SPPL2A: variants seen among roughly 807,000 people sequenced by gnomAD.
SPPL2A encodes the protein signal peptide peptidase-like 2A.
A neutral mutation model predicts 63.8 loss-of-function variants in SPPL2A; 51 were observed. The observed-to-expected ratio is 0.80, with a 90% CI of 0.64 to 1.01. The LOEUF (loss-of-function observed/expected upper bound fraction) is 1.01, where lower values mean the gene tolerates loss of function less well. SPPL2A is among the 50% of genes least tolerant of loss of function. The probability of loss-of-function intolerance (pLI) is 0.00; values close to 1 mark genes in which losing one functional copy is unlikely to be tolerated. For synonymous variants in SPPL2A, 188 were observed against 205.8 expected (o/e 0.91, Z 0.74); for missense variants, 553 against 622.7 (o/e 0.89, Z 1.19).
At chr15:50,757,208 G>A (rs1300145373) in intron 1 of SPPL2A, among the ~76,000 whole-genome samples, 3 of 151,246 alleles carry the variant, frequency 2.0e-5, no homozygotes, top group South Asian at 4.2e-4. Context: ...TCAGCCTCCC[G>A]AGTAGCTGGG....
intron 8 of SPPL2A, among the ~76,000 whole-genome samples, chr15:50,735,502 C>A (rs1230819755): frequency 6.7e-6 from 1 of 149,778 alleles, no homozygotes; most frequent in African/African-American, 2.5e-5. Flanking sequence ...TGTATATATA[C>A]ACACACACAC....
Position 50,706,107 on chromosome 15 carries a change from T to C in SPPL2A, c.*1693A>G, listed in dbSNP as rs2062505654. On this transcript the variant is annotated 3_prime_UTR_variant, in exon 15 of 15. Coordinates refer to ENST00000261854, the MANE Select transcript of SPPL2A (RefSeq NM_032802.4). ...CATTTTACAGATTAGAAAACTGAGATATGGCCGGGCGCGGTGGCTCACGCC... is the reference window on the plus strand; with the variant it reads ...CATTTTACAGATTAGAAAACTGAGACATGGCCGGGCGCGGTGGCTCACGCC... 6.6e-6 allele frequency: 1 copy of C among 152,146 alleles called. No individual in the cohort carries two copies. The highest frequency in any genetic ancestry group is 1.5e-5 in the Non-Finnish European group (1 of 68,072). The allele number at this position is 152,146 out of a possible 1,614,324, so 9.4% of individuals were successfully genotyped here.
chr15:50,734,275 T>C (rs2062752811), intron 8 of SPPL2A, among the ~76,000 whole-genome samples: 1 of 152,092 alleles, frequency 6.6e-6, no homozygotes, highest in African/African-American at 2.4e-5. Flanking sequence ...GGAAATATTA[T>C]ACACACTCAT....
intron 5 of SPPL2A, among the ~76,000 whole-genome samples, chr15:50,741,461 G>T (rs1465369880): frequency 1.3e-5 from 2 of 151,908 alleles, no homozygotes; most frequent in African/African-American, 4.8e-5. Context: ...GAATGACAGG[G>T]TATTAAATAA....
intron 1 of SPPL2A, among the ~76,000 whole-genome samples, chr15:50,756,394 G>C (rs954226531): frequency 2.7e-5 from 4 of 146,412 alleles, no homozygotes; most frequent in Non-Finnish European, 6.0e-5. Context: ...GGGTCTGTTT[G>C]AACATTACAA....
At chr15:50,732,797 T>C (rs2062740932) in intron 8 of SPPL2A, 113 bp from the exon 9 acceptor site, 4 of 657,984 alleles carry the variant, frequency 6.1e-6, no homozygotes, top group Non-Finnish European at 1.0e-5. Context: ...ACTATTCCTT[T>C]TTTTTTTTTA....
At chr15:50,713,049 A>C (rs1357491405) in intron 14 of SPPL2A, among the ~76,000 whole-genome samples, 2 of 152,122 alleles carry the variant, frequency 1.3e-5, no homozygotes, top group African/African-American at 4.8e-5. Context: ...ATGAGGAGAC[A>C]GTCTTCAGAG....
At chr15:50,733,387 T>G (rs1201663065) in intron 8 of SPPL2A, among the ~76,000 whole-genome samples, 3 of 152,196 alleles carry the variant, frequency 2.0e-5, no homozygotes, top group Non-Finnish European at 4.4e-5. Flanking sequence ...TTTCTGGTTA[T>G]CTTCCTACAA....
chr15:50,750,249 G>A (rs756662002), intron 1 of SPPL2A, among the ~76,000 whole-genome samples: 10 of 152,040 alleles, frequency 6.6e-5, no homozygotes, highest in Non-Finnish European at 1.0e-4. Flanking sequence ...TACTACAGGC[G>A]CGTGTTACCA....
intron 12 of SPPL2A, among the ~76,000 whole-genome samples, chr15:50,724,845 AT>A (rs1277558151): frequency 2.0e-4 from 31 of 152,316 alleles, no homozygotes; most frequent in Admixed American, 1.8e-3. Context: ...CTTGCCTAAT[AT>A]TCTTAAACCC....
intron 10 of SPPL2A, among the ~76,000 whole-genome samples, chr15:50,726,939 C>T (rs2062692396): frequency 6.6e-6 from 1 of 152,222 alleles, no homozygotes; most frequent in Non-Finnish European, 1.5e-5. Flanking sequence ...CTTCTCTAGC[C>T]TAACTCTCAT....
At chr15:50,755,627 CAAAAAAAAAA>C (rs148415568) in intron 1 of SPPL2A, among the ~76,000 whole-genome samples, 15 of 49,550 alleles carry the variant, frequency 3.0e-4, no homozygotes, top group African/African-American at 8.4e-4. Context: ...CACCCTGTCT[CAAAAAAAAAA>C]AAAAAAAAAA....
intron 6 of SPPL2A, among the ~76,000 whole-genome samples, chr15:50,737,840 G>A (rs1183024049): frequency 6.6e-6 from 1 of 152,114 alleles, no homozygotes; most frequent in Admixed American, 6.6e-5. Flanking sequence ...AGGAGGCCGA[G>A]GCAGGTGGAT....
intron 5 of SPPL2A, among the ~76,000 whole-genome samples, chr15:50,743,563 T>C (rs2062837807): frequency 1.3e-5 from 2 of 152,070 alleles, no homozygotes; most frequent in Admixed American, 1.3e-4. Context: ...CCCAGGCTGG[T>C]CTCAAACTCC....
intron 5 of SPPL2A, among the ~76,000 whole-genome samples, chr15:50,740,427 CA>C (rs34361362): frequency 0.022 from 1,333 of 60,054 alleles, 5 homozygotes; most frequent in African/African-American, 0.056. Context: ...AACTCCGTCT[CA>C]AAAAAAAAAA....
At chr15:50,728,174 G>C (rs143588983) in intron 10 of SPPL2A, among the ~76,000 whole-genome samples, 1,840 of 152,246 alleles carry the variant, frequency 0.012, 18 homozygotes, top group Middle Eastern at 0.034. Flanking sequence ...TGTATCTACT[G>C]TGTAATATAT....
chr15:50,718,073 G>A (rs1379958471), intron 14 of SPPL2A, among the ~76,000 whole-genome samples: 1 of 142,190 alleles, frequency 7.0e-6, no homozygotes, highest in Admixed American at 7.6e-5. Flanking sequence ...CCAGGTTCAC[G>A]CCATTCTCCT....
intron 1 of SPPL2A, among the ~76,000 whole-genome samples, chr15:50,753,423 A>C (rs2062926535): frequency 6.6e-6 from 1 of 152,194 alleles, no homozygotes; most frequent in Admixed American, 6.5e-5. Flanking sequence ...AGCTTCGAAA[A>C]TTCAGTTTAC....
chr15:50,756,287 G>A (rs1245399945), intron 1 of SPPL2A, among the ~76,000 whole-genome samples: 2 of 150,832 alleles, frequency 1.3e-5, no homozygotes, highest in African/African-American at 4.9e-5. Flanking sequence ...CGTGAATCTG[G>A]GAGGCGGAGC....
Sources: gnomAD v4.1 joint callset for allele counts (sites outside exome capture counted in the v4.1 genomes callset) on GRCh38, gnomAD v4.1.1 for gene constraint, MANE v1.5 for transcripts, NCBI Gene and HGNC (gene_info 2026-07-23, HGNC 2026-07-21) for gene names.